Variants in DAG1 observed in about 807,000 individuals in gnomAD.
DAG1 encodes the protein dystroglycan 1 (dystrophin-associated glycoprotein 1).
In DAG1, 8 loss-of-function variants were observed where a neutral mutation model predicts 46.1. The observed-to-expected ratio is 0.17, with a 90% CI of 0.10 to 0.31. DAG1 has a LOEUF of 0.31. DAG1 is among the 10% of genes least tolerant of loss of function. DAG1 has a pLI of 1.00. For synonymous variants in DAG1, 495 were observed against 481.8 expected, an observed-to-expected ratio of 1.03 and a Z score of -0.36; for missense variants, 1,003 against 1,189.9, an observed-to-expected ratio of 0.84 and a Z score of 2.31.
Position 49,510,422 on chromosome 3 carries a change from CTG to C in DAG1, c.-108_-107del, listed in dbSNP as rs1313879764. On this transcript the variant is annotated 5_prime_UTR_variant, in exon 2 of 3. Transcript: ENST00000308775. ...CCTGCTTTTCTTTTTTTTTCAGGCT[CTG>C]TGTGCTCCGGGATGGAGCAGGTGTG... 9.7e-7 allele frequency: 1 copy of C among 1,026,010 alleles called. No homozygotes were observed. Among genetic ancestry groups the C allele is most frequent in the African/African-American group, 1.6e-5 (1 of 63,330 alleles). 63.6% of individuals were successfully genotyped at this position (1,026,010 alleles called of 1,614,324 possible).
At chr3:49,515,582 C>A (rs2050877379) in intron 2 of DAG1, among the ~76,000 whole-genome samples, 1 of 151,762 alleles carries the variant, frequency 6.6e-6, no homozygotes, top group African/African-American at 2.4e-5. Flanking sequence ...AGATGGGTCT[C>A]ACTTTGTTGC....
intron 1 of DAG1, among the ~76,000 whole-genome samples, chr3:49,477,877 A>C (rs1211600370): frequency 6.6e-6 from 1 of 150,860 alleles, no homozygotes; most frequent in East Asian, 2.0e-4. Context: ...AAAGAGAATC[A>C]CTTGAACATG....
intron 1 of DAG1, among the ~76,000 whole-genome samples, chr3:49,503,760 C>T (rs1308290137): frequency 2.7e-5 from 4 of 149,996 alleles, no homozygotes; most frequent in Non-Finnish European, 4.4e-5. Flanking sequence ...CCCGGGAGGT[C>T]GAGGCTGCAG....
chr3:49,534,909 A>G lies in DAG1; in HGVS notation c.*1710A>G, dbSNP rs1004797617. 6 of 152,892 alleles carry G rather than the reference A, an allele frequency of 3.9e-5. No homozygotes were observed. The highest frequency in any genetic ancestry group is 1.4e-4 in the African/African-American group (6 of 41,426). The allele number at this position is 152,892 out of a possible 1,614,324, so 9.5% of individuals were successfully genotyped here. ...CACACAGAGCAGCTACTTCTAAGCC[A>G]TATCGACTGTTTTGCAGAGGATTTG... On this transcript the variant is annotated 3_prime_UTR_variant, in exon 3 of 3. Coordinates refer to ENST00000308775, the MANE Select transcript of DAG1 (RefSeq NM_004393.6).
chr3:49,484,621 G>A (rs1052929969), intron 1 of DAG1, among the ~76,000 whole-genome samples: 1 of 152,084 alleles, frequency 6.6e-6, no homozygotes, highest in Non-Finnish European at 1.5e-5. Context: ...GTGGAGGAAT[G>A]TCCTGGCCTC....
At position 49,510,159 on chromosome 3, in the gene DAG1, T is replaced by TA. The variant is rs1232896272; in HGVS notation, c.-116-256dup. On this transcript the variant is annotated intron_variant, in intron 1 of 2. Transcript: ENST00000308775. Reference sequence around the variant, plus strand: ...TCATTTCAGTTTGCAATCAATATTTTAAAAGTATTAATGAGGCATTTTACA... The same window carrying TA: ...TCATTTCAGTTTGCAATCAATATTTTAAAAAGTATTAATGAGGCATTTTACA... 5.6e-5 allele frequency: 26 copies of TA among 464,802 alleles called. No individual in the cohort carries two copies. The East Asian group carries it at 8.5e-4, about 15-fold the overall frequency. The allele number at this position is 464,802 out of a possible 1,614,324, so 28.8% of individuals were successfully genotyped here.
intron 1 of DAG1, among the ~76,000 whole-genome samples, chr3:49,498,755 C>T (rs917645664): frequency 6.6e-6 from 1 of 151,086 alleles, no homozygotes. Flanking sequence ...GCTGTGTCAC[C>T]CAGGCTGGAG....
In DAG1 at chr3:49,496,372, T is replaced by A. The variant is rs1218478299; in HGVS notation, c.-116-14047T>A. On this transcript the variant is annotated intron_variant, in intron 1 of 2. Transcript: ENST00000308775. ...TTTTAACTTTTTTTTTTTTTTTTTT[T>A]TTTGAGATGGAGTCTCACTCTGTCG... 4.1e-5 allele frequency among the ~76,000 whole-genome samples: 6 copies of A among 148,128 alleles called. No individual in the cohort carries two copies. The East Asian group carries it at 1.0e-3, about 25-fold the overall frequency.
intron 1 of DAG1, among the ~76,000 whole-genome samples, chr3:49,484,613 G>A (rs998713607): frequency 1.3e-5 from 2 of 152,046 alleles, no homozygotes; most frequent in African/African-American, 4.8e-5. Flanking sequence ...GTGAGGGGGT[G>A]GAGGAATGTC....
chr3:49,518,152 G>A (rs2050943441), intron 2 of DAG1, among the ~76,000 whole-genome samples: 2 of 152,190 alleles, frequency 1.3e-5, no homozygotes. Flanking sequence ...CCAGATGAGG[G>A]TTGGTCTATT....
At chr3:49,513,670 G>GAA (rs2050820508) in intron 2 of DAG1, among the ~76,000 whole-genome samples, 1 of 152,102 alleles carries the variant, frequency 6.6e-6, no homozygotes, top group South Asian at 2.1e-4. Context: ...TGTGGTCTCT[G>GAA]GGGCAACCGT....
intron 1 of DAG1, among the ~76,000 whole-genome samples, chr3:49,480,049 A>G (rs1339047703): frequency 7.0e-6 from 1 of 143,456 alleles, no homozygotes; most frequent in Non-Finnish European, 1.5e-5. Flanking sequence ...TCCCGGGTTC[A>G]ATCGATTCTC....
In DAG1 at chr3:49,530,874, C is replaced by T; in HGVS notation, c.363C>T (p.Pro121=). Residue 121 remains proline, a synonymous_variant, in exon 3 of 3, where the codon CCC becomes CCT. Coordinates refer to ENST00000308775, the MANE Select transcript of DAG1 (RefSeq NM_004393.6). ...AGAGCCACACCCTGGAGGGCCTCCC[C>T]CTTGACACTGATAAGGGTGTGCATT... ...DSQSHTLEGL[P]LDTDKGVHYI... 2 of 1,614,136 alleles carry T rather than the reference C, an allele frequency of 1.2e-6. No individual in the cohort carries two copies. The highest frequency in any genetic ancestry group is 1.7e-6 in the Non-Finnish European group (2 of 1,180,008).
Position 49,478,455 on chromosome 3 carries a change from ATT to A in DAG1, c.-117+8023_-117+8024del, listed in dbSNP as rs1345776816. On this transcript the variant is annotated intron_variant, in intron 1 of 2. Coordinates refer to ENST00000308775, the MANE Select transcript of DAG1 (RefSeq NM_004393.6). Reference sequence around the variant, plus strand: ...ACAAAAAATAAAAAAAAAAAAAAAAATTAGTTGAGTGTGGTGGCACGTTCCCT... The same window carrying A: ...ACAAAAAATAAAAAAAAAAAAAAAAAAGTTGAGTGTGGTGGCACGTTCCCT... Among the ~76,000 whole-genome samples, 14 of 146,732 alleles carry A rather than the reference ATT, an allele frequency of 9.5e-5. 1 individual carries two copies. The South Asian group carries it at 1.7e-3, about 18-fold the overall frequency.
Position 49,535,098 on chromosome 3 carries a change from G to A in DAG1, c.*1899G>A, listed in dbSNP as rs2051475731. ...CTCTGGAGTGAGCAGTGCCCCTGTG[G>A]GGGAGCCTGTAAATGCGGGCTCAGT... is the stretch of plus-strand genomic sequence containing the variant. On this transcript the variant is annotated 3_prime_UTR_variant, in exon 3 of 3. Coordinates refer to ENST00000308775, the MANE Select transcript of DAG1 (RefSeq NM_004393.6). 6.6e-6 allele frequency: 1 copy of A among 152,182 alleles called. No individual in the cohort carries two copies. Among genetic ancestry groups the A allele is most frequent in the South Asian group, 2.1e-4 (1 of 4,830 alleles). The allele number at this position is 152,182 out of a possible 1,614,324, so 9.4% of individuals were successfully genotyped here.
chr3:49,514,031 G>C (rs1313590463), intron 2 of DAG1, among the ~76,000 whole-genome samples: 1 of 152,158 alleles, frequency 6.6e-6, no homozygotes, highest in Non-Finnish European at 1.5e-5. Context: ...TTTACCAAGG[G>C]GGTGAAGAGA....
chr3:49,510,850 AGAG>A, intron 2 of DAG1, 31 bp downstream of exon 2: 1 of 1,612,872 alleles, frequency 6.2e-7, no homozygotes, highest in East Asian at 2.2e-5. Flanking sequence ...TAAATGAGGA[AGAG>A]TTCTCATTTT....
Position 49,510,646 on chromosome 3 carries a change from G to C in DAG1, c.112G>C (p.Ala38Pro), listed in dbSNP as rs1052759374. ...QSHWPSEPSE[A>P]VRDWENQLEA... ...CCACTGGCCCAGTGAACCCTCAGAG[G>C]CTGTCAGGGACTGGGAAAACCAGCT... Residue 38 changes from alanine (A) to proline (P), a missense_variant, in exon 2 of 3, where the codon GCT becomes CCT. Transcript: ENST00000308775. 4 of 1,614,034 alleles carry C rather than the reference G, an allele frequency of 2.5e-6. 1 individual carries two copies. In the African/African-American group the frequency reaches 5.3e-5, roughly 22 times the overall value.
chr3:49,501,449 G>T (rs1239750648), intron 1 of DAG1, among the ~76,000 whole-genome samples: 1 of 152,174 alleles, frequency 6.6e-6, no homozygotes, highest in African/African-American at 2.4e-5. Flanking sequence ...TGCAACAGAT[G>T]TATCCCTGCT....
Sources: allele counts gnomAD v4.1 joint callset (sites outside exome capture counted in the v4.1 genomes callset), GRCh38; gene constraint gnomAD v4.1.1; transcripts MANE v1.5; gene names NCBI Gene and HGNC (gene_info 2026-07-23, HGNC 2026-07-21).